Variants in ADAMTS17 observed in about 807,000 individuals in gnomAD.
The protein encoded by ADAMTS17 is A disintegrin and metalloproteinase with thrombospondin motifs 17.
Under a neutral mutation model 141.5 loss-of-function variants are expected in ADAMTS17, and 113 were observed. The observed-to-expected ratio is 0.80, with a 90% CI of 0.69 to 0.93. The LOEUF (loss-of-function observed/expected upper bound fraction) is 0.93. Among genes scored for constraint, ADAMTS17 ranks in the 40% least tolerant of loss-of-function variants. The pLI, the probability that ADAMTS17 is intolerant of heterozygous loss-of-function variation, is 0.00. For missense variants in ADAMTS17, 1,659 were observed against 1,517.9 expected (o/e 1.09, Z -1.54); for synonymous variants, 768 against 630.6 (o/e 1.22, Z -3.27).
At chr15:100,149,832 C>G (rs2039079903) in intron 10 of ADAMTS17, among the ~76,000 whole-genome samples, 1 of 152,162 alleles carries the variant, frequency 6.6e-6, no homozygotes, top group Admixed American at 6.5e-5. Flanking sequence ...CTTTTCGGCA[C>G]TGAGGAATAA....
chr15:100,186,076 G>A (rs2040705684), intron 8 of ADAMTS17, among the ~76,000 whole-genome samples: 2 of 152,172 alleles, frequency 1.3e-5, no homozygotes, highest in African/African-American at 4.8e-5. Flanking sequence ...GGGAAGGCCT[G>A]TGAGTTGCGA....
At chr15:100,216,736 G>C (rs369563889) in intron 7 of ADAMTS17, among the ~76,000 whole-genome samples, 7 of 152,172 alleles carry the variant, frequency 4.6e-5, no homozygotes, top group Non-Finnish European at 7.3e-5. Flanking sequence ...CCTTGGTTAG[G>C]TCCTGACGTT....
intron 8 of ADAMTS17, among the ~76,000 whole-genome samples, chr15:100,188,373 G>A (rs557264555): frequency 5.9e-5 from 9 of 151,366 alleles, no homozygotes; most frequent in African/African-American, 1.7e-4. Flanking sequence ...TACCACGCCC[G>A]GCCACGAAGC....
intron 18 of ADAMTS17, among the ~76,000 whole-genome samples, chr15:100,019,263 G>T (rs1284450071): frequency 1.3e-5 from 2 of 152,134 alleles, no homozygotes; most frequent in East Asian, 1.9e-4. Flanking sequence ...TTGAAAATTT[G>T]GGTGGGATGA....
intron 7 of ADAMTS17, among the ~76,000 whole-genome samples, chr15:100,200,540 C>T (rs139091836): frequency 3.2e-4 from 48 of 152,260 alleles, no homozygotes; most frequent in Non-Finnish European, 5.7e-4. Flanking sequence ...ACCTGACATC[C>T]GCCCTCCCGT....
chr15:100,189,270 T>C (rs2040832875), intron 8 of ADAMTS17, among the ~76,000 whole-genome samples: 1 of 152,188 alleles, frequency 6.6e-6, no homozygotes, highest in African/African-American at 2.4e-5. Context: ...TAGGTGAAAA[T>C]TGTTAAATCA....
At chr15:100,081,174 G>A (rs1318197701) in intron 15 of ADAMTS17, among the ~76,000 whole-genome samples, 1 of 152,128 alleles carries the variant, frequency 6.6e-6, no homozygotes, top group Non-Finnish European at 1.5e-5. Context: ...AAAAGGAGAG[G>A]TGGGCCTAGG....
Position 99,983,840 on chromosome 15 carries a change from G to A in ADAMTS17, c.2950-7618C>T, listed in dbSNP as rs368672618. ...TTGGATAGCAAAGAAAGAGACTGAC[G>A]GAATCCTGACAGTAACTGCAGTTTC... On this transcript the variant is annotated intron_variant, in intron 20 of 21. Transcript: ENST00000268070. 3.9e-5 allele frequency among the ~76,000 whole-genome samples: 6 copies of A among 152,296 alleles called. No homozygotes were observed. The South Asian group carries it at 8.3e-4, about 21-fold the overall frequency.
chr15:100,053,432 G>T (rs1005728702), intron 16 of ADAMTS17, among the ~76,000 whole-genome samples: 1 of 152,120 alleles, frequency 6.6e-6, no homozygotes, highest in Non-Finnish European at 1.5e-5. Context: ...TTGCAAGCTG[G>T]GTCTGTGAAA....
intron 6 of ADAMTS17, among the ~76,000 whole-genome samples, chr15:100,259,935 C>T (rs2043457913): frequency 6.6e-6 from 1 of 152,170 alleles, no homozygotes. Flanking sequence ...ACCTCTGCCT[C>T]CCCGGTTCAA....
chr15:100,039,306 T>C (rs1409228549), intron 18 of ADAMTS17, among the ~76,000 whole-genome samples: 1 of 152,216 alleles, frequency 6.6e-6, no homozygotes, highest in East Asian at 1.9e-4. Context: ...GTTGCTCCTC[T>C]TTCCAGTATC....
At chr15:100,196,129 T>C (rs773502862) in intron 8 of ADAMTS17, among the ~76,000 whole-genome samples, 3 of 152,344 alleles carry the variant, frequency 2.0e-5, no homozygotes, top group Non-Finnish European at 4.4e-5. Context: ...AGTATTGACA[T>C]TACCATGGCA....
At position 100,333,247 on chromosome 15, in the gene ADAMTS17, T is replaced by C. The variant is rs1179430582; in HGVS notation, c.451-2193A>G. 3.3e-5 allele frequency among the ~76,000 whole-genome samples: 5 copies of C among 152,192 alleles called. No homozygotes were observed. In the East Asian group the frequency reaches 9.6e-4, roughly 29 times the overall value. On this transcript the variant is annotated intron_variant, in intron 2 of 21. Coordinates refer to ENST00000268070, the MANE Select transcript of ADAMTS17 (RefSeq NM_139057.4). ...TTCCACTGAGGCAAGATCAGAATTA[T>C]TCCTCCTGTTTTTGCCAATGTCTGC...
At chr15:100,336,135 A>G (rs1596550538) in intron 2 of ADAMTS17, among the ~76,000 whole-genome samples, 1 of 152,260 alleles carries the variant, frequency 6.6e-6, no homozygotes, top group African/African-American at 2.4e-5. Context: ...GTTGTCAACA[A>G]AAGTTCAAAG....
chr15:99,992,824 T>C (rs966208446), intron 20 of ADAMTS17, among the ~76,000 whole-genome samples: 1 of 152,172 alleles, frequency 6.6e-6, no homozygotes, highest in Non-Finnish European at 1.5e-5. Context: ...GCAGTGGGGT[T>C]CTCCCAGTGA....
Position 100,110,089 on chromosome 15 carries a change from T to G in ADAMTS17, c.1889-973A>C, listed in dbSNP as rs77383740. On this transcript the variant is annotated intron_variant, in intron 13 of 21. Transcript: ENST00000268070. ...TTGAAGTAATGCTGGGTCTGTGAAC[T>G]CTTAGAGGGCAGGGGACTTAAGCTT... Among the ~76,000 whole-genome samples the G allele has an allele frequency of 1.5e-4, 22 of 149,532 alleles. No homozygotes were observed. In the East Asian group the frequency reaches 4.1e-3, roughly 28 times the overall value.
chr15:100,242,245 C>T (rs2042849842), intron 7 of ADAMTS17, among the ~76,000 whole-genome samples: 1 of 152,160 alleles, frequency 6.6e-6, no homozygotes, highest in Non-Finnish European at 1.5e-5. Flanking sequence ...CTCTTTACAC[C>T]GTGAGTCCAG....
chr15:100,271,674 C>T (rs558561505), intron 4 of ADAMTS17, among the ~76,000 whole-genome samples: 6 of 152,028 alleles, frequency 3.9e-5, no homozygotes, highest in South Asian at 2.1e-4. Context: ...CCTCCTATTC[C>T]GTGGGTTGCC....
chr15:100,093,494 G>A (rs978133580), intron 15 of ADAMTS17, among the ~76,000 whole-genome samples: 3 of 152,120 alleles, frequency 2.0e-5, no homozygotes, highest in Admixed American at 6.6e-5. Flanking sequence ...TAGGCCTGGT[G>A]AATCCACCCA....
Sources: allele counts gnomAD v4.1 joint callset (sites outside exome capture counted in the v4.1 genomes callset), GRCh38; gene constraint gnomAD v4.1.1; transcripts MANE v1.5; gene names NCBI Gene and HGNC (gene_info 2026-07-23, HGNC 2026-07-21).